CREBBP: variants seen among roughly 807,000 people sequenced by gnomAD.
The protein encoded by CREBBP is CREB-binding protein.
A neutral mutation model predicts 265.0 loss-of-function variants in CREBBP; 19 were observed. The observed-to-expected ratio is 0.07, with a 90% CI of 0.05 to 0.11. CREBBP has a LOEUF of 0.11. CREBBP is among the 10% of genes least tolerant of loss of function. CREBBP has a pLI of 1.00. For synonymous variants in CREBBP, 1,457 were observed against 1,223.7 expected (o/e 1.19, Z -3.98); for missense variants, 2,525 against 3,219.0 (o/e 0.78, Z 5.22).
chr16:3,741,718 T>TCA (rs1438307895), intron 23 of CREBBP: 1 of 151,968 alleles, frequency 6.6e-6, no homozygotes, highest in Non-Finnish European at 1.5e-5. Flanking sequence ...GGCGAGTGGA[T>TCA]CACCTGAGGT....
Position 3,792,093 on chromosome 16 carries a change from A to G in CREBBP, c.1218T>C (p.Val406=). 6.2e-7 allele frequency: 1 copy of G among 1,610,188 alleles called. No individual in the cohort carries two copies. Among genetic ancestry groups the G allele is most frequent in the Non-Finnish European group, 8.5e-7 (1 of 1,176,356 alleles). ...TTTGTCGTGAAGATGCACAATGGGC[A>G]ACTATGACCAGAAAAACAACGAGAT... ...THCQAGKACQ[V]AHCASSRQII... Residue 406 remains valine (V), a splice_region_variant and synonymous_variant, in exon 5 of 31, where the codon GTT becomes GTC. Transcript: ENST00000262367.
chr16:3,807,779 T>C (rs1328820079), intron 3 of CREBBP, among the ~76,000 whole-genome samples: 3 of 152,312 alleles, frequency 2.0e-5, no homozygotes, highest in East Asian at 3.9e-4. Context: ...CCTAGAAAGA[T>C]GTTGGGGAGA....
chr16:3,861,723 C>T (rs2055078565), intron 1 of CREBBP, among the ~76,000 whole-genome samples: 1 of 144,970 alleles, frequency 6.9e-6, no homozygotes, highest in South Asian at 2.2e-4. Flanking sequence ...TAATTTTTAT[C>T]TAGGCATTTA....
chr16:3,834,985 C>T (rs573591655), intron 2 of CREBBP, among the ~76,000 whole-genome samples: 10 of 152,122 alleles, frequency 6.6e-5, no homozygotes, highest in East Asian at 1.9e-4. Context: ...GGTGAAACCC[C>T]GTCTCTAGTA....
chr16:3,880,139 G>GGCCGCCGCC lies in CREBBP; in HGVS notation c.-232_-224dup, dbSNP rs919983062. 6.6e-6 allele frequency: 1 copy of GGCCGCCGCC among 151,378 alleles called. No homozygotes were observed. The highest frequency in any genetic ancestry group is 6.8e-5 in the Admixed American group (1 of 14,718). 9.4% of individuals were successfully genotyped at this position (151,378 alleles called of 1,614,324 possible). A position where few individuals can be genotyped will look rare whatever the true frequency, so the allele number is the denominator to read the frequency against. Reference sequence around the variant, plus strand: ...CCCGCAGCGCTCACCGCCCGCCCCCGGCCGCCGCCGCCGCCGCCGGCCGCG... The same window carrying GGCCGCCGCC: ...CCCGCAGCGCTCACCGCCCGCCCCCGGCCGCCGCCGCCGCCGCCGCCGCCGCCGGCCGCG... On this transcript the variant is annotated 5_prime_UTR_variant, in exon 1 of 31. Coordinates refer to ENST00000262367, the MANE Select transcript of CREBBP (RefSeq NM_004380.3).
chr16:3,744,992 T>C (rs1210342279), intron 22 of CREBBP, 31 bp from the exon 23 acceptor site: 1 of 1,501,298 alleles, frequency 6.7e-7, no homozygotes. Flanking sequence ...GATGAGACTG[T>C]ATATAATGAT....
chr16:3,789,688 A>C (rs747047082), intron 5 of CREBBP, among the ~76,000 whole-genome samples: 1 of 151,762 alleles, frequency 6.6e-6, no homozygotes, highest in Non-Finnish European at 1.5e-5. Context: ...TATTGCTGAA[A>C]CCTTGTCAAT....
chr16:3,791,892 C>G, intron 5 of CREBBP, 89 bp downstream of exon 5: 1 of 1,140,000 alleles, frequency 8.8e-7, no homozygotes, highest in Non-Finnish European at 1.3e-6. Flanking sequence ...GCTCATAACC[C>G]CTGCCCACTC....
Position 3,731,465 on chromosome 16 carries a change from G to T in CREBBP, c.4899C>A (p.Phe1633Leu). The change falls in exon 30 of 31, where the codon TTC (phenylalanine) becomes TTA (leucine). Residue 1633 changes from phenylalanine (F) to leucine (L), a missense_variant. Phe to Leu is a conservative substitution (Grantham distance 22). Coordinates refer to ENST00000262367, the MANE Select transcript of CREBBP (RefSeq NM_004380.3). This position sits in a 1 kb window ranked among gnomAD's most constrained non-coding sequence, Gnocchi z 7.7. ...ATMEKHKEVF[F>L]VIHLHAGPVI... ...CAGGCCCAGCGTGCAGGTGGATCAC[G>T]AAGAAGACCTGCAGGAGAGGAGGGG... The T allele has an allele frequency of 6.3e-7, 1 of 1,587,332 alleles. No homozygotes were observed. The highest frequency in any genetic ancestry group is 8.6e-7 in the Non-Finnish European group (1 of 1,168,394).
intron 1 of CREBBP, among the ~76,000 whole-genome samples, chr16:3,868,871 T>A (rs2055234684): frequency 6.6e-6 from 1 of 152,106 alleles, no homozygotes; most frequent in African/African-American, 2.4e-5. Flanking sequence ...ACACGTAAAA[T>A]GTGCTTAAAT....
intron 28 of CREBBP, among the ~76,000 whole-genome samples, chr16:3,734,362 T>G (rs1463434568): frequency 6.6e-6 from 1 of 152,150 alleles, no homozygotes; most frequent in Non-Finnish European, 1.5e-5. Context: ...CAGGTCTACA[T>G]GCCGACACCT....
chr16:3,789,519 G>A (rs1160259996), intron 5 of CREBBP, among the ~76,000 whole-genome samples: 2 of 152,066 alleles, frequency 1.3e-5, no homozygotes, highest in Admixed American at 6.6e-5. Context: ...TCACCCTTAC[G>A]TTATTTTTAA....
At chr16:3,843,648 G>C (rs2054607917) in intron 2 of CREBBP, among the ~76,000 whole-genome samples, 1 of 151,590 alleles carries the variant, frequency 6.6e-6, no homozygotes, top group Non-Finnish European at 1.5e-5. Flanking sequence ...TTGAACTCCT[G>C]GGCTCAAGCA....
chr16:3,875,189 T>A (rs970278881), intron 1 of CREBBP, among the ~76,000 whole-genome samples: 2 of 152,202 alleles, frequency 1.3e-5, no homozygotes, highest in Admixed American at 1.3e-4. Flanking sequence ...AATCTGAATG[T>A]TCAGCCAGGA....
chr16:3,760,545 G>C (rs980208014), intron 16 of CREBBP, among the ~76,000 whole-genome samples: 2 of 151,352 alleles, frequency 1.3e-5, no homozygotes, highest in Non-Finnish European at 2.9e-5. Context: ...TGGGATTACA[G>C]GTGCCCACCA....
rs1205975307 is a variant in CREBBP at position 3,732,259 on chromosome 16, G to A, written c.4729-322C>T. On this transcript the variant is annotated intron_variant, in intron 28 of 30. Transcript: ENST00000262367. ...TTCCACTGTGCCACAACCAGATGCG[G>A]AAGATTCCACGTCACAACTGTGGTC... is the stretch of plus-strand genomic sequence containing the variant. Among the ~76,000 whole-genome samples, 8 of 152,212 alleles carry A rather than the reference G, an allele frequency of 5.3e-5. No homozygotes were observed. The East Asian group carries it at 1.5e-3, about 29-fold the overall frequency.
chr16:3,783,011 G>A (rs962325748), intron 5 of CREBBP, 85 bp from the exon 6 acceptor site: 8 of 1,532,450 alleles, frequency 5.2e-6, no homozygotes, highest in African/African-American at 1.4e-5. Context: ...CTATTGAGAA[G>A]CAAATACATT....
intron 1 of CREBBP, among the ~76,000 whole-genome samples, chr16:3,865,222 C>A (rs1469266159): frequency 6.6e-6 from 1 of 152,202 alleles, no homozygotes; most frequent in Non-Finnish European, 1.5e-5. Context: ...AATTCTATTT[C>A]TATGAATCTG....
intron 1 of CREBBP, among the ~76,000 whole-genome samples, chr16:3,861,859 C>T (rs961711068): frequency 6.6e-6 from 1 of 151,882 alleles, no homozygotes; most frequent in South Asian, 2.1e-4. Flanking sequence ...CACACCAATC[C>T]CTAATTAGAA....
Sources: gnomAD v4.1 joint callset for allele counts (sites outside exome capture counted in the v4.1 genomes callset) on GRCh38, gnomAD v4.1.1 for gene constraint, Gnocchi (gnomAD v3.1) non-coding constraint, MANE v1.5 for transcripts, NCBI Gene and HGNC (gene_info 2026-07-23, HGNC 2026-07-21) for gene names.